The following ALPK2 variants were observed in gnomAD, a reference collection of about 807,000 sequenced individuals.
The protein encoded by ALPK2 is alpha-protein kinase 2.
In ALPK2, 127 loss-of-function variants were observed where a neutral mutation model predicts 163.1. The ratio of observed to expected loss-of-function variants is 0.78; its 90% confidence interval spans 0.67 to 0.90. ALPK2 has a LOEUF of 0.90. ALPK2 is among the 40% of genes least tolerant of loss of function. ALPK2 has a pLI of 0.00. For missense variants in ALPK2, 2,360 were observed against 2,589.6 expected (o/e 0.91, Z 1.92); for synonymous variants, 953 against 959.1 (o/e 0.99, Z 0.12).
intron 3 of ALPK2, among the ~76,000 whole-genome samples, chr18:58,592,162 T>A (rs1025509708): frequency 4.6e-5 from 7 of 152,214 alleles, no homozygotes; most frequent in South Asian, 2.1e-4. Flanking sequence ...CGTTCTCCCA[T>A]GTGTCCTGCT....
intron 5 of ALPK2, among the ~76,000 whole-genome samples, chr18:58,529,935 C>T (rs1021066605): frequency 1.3e-5 from 2 of 152,156 alleles, no homozygotes; most frequent in African/African-American, 2.4e-5. Context: ...AGCCACTGGG[C>T]GGCAGCCTAG....
chr18:58,507,796 G>T (rs929809641), intron 10 of ALPK2, among the ~76,000 whole-genome samples: 5 of 152,134 alleles, frequency 3.3e-5, no homozygotes, highest in African/African-American at 1.2e-4. Flanking sequence ...GTAACTTTGG[G>T]AGGAATTTAG....
intron 12 of ALPK2, among the ~76,000 whole-genome samples, chr18:58,487,037 GC>G: frequency 6.6e-6 from 1 of 152,302 alleles, no homozygotes; most frequent in Non-Finnish European, 1.5e-5. Flanking sequence ...GATCACCATT[GC>G]AGAAACTCGC....
At chr18:58,614,899 C>T (rs180760376) in intron 1 of ALPK2, among the ~76,000 whole-genome samples, 1 of 152,280 alleles carries the variant, frequency 6.6e-6, no homozygotes, top group Admixed American at 6.5e-5. Flanking sequence ...CTCATCTCCC[C>T]ATTTCCACCC....
chr18:58,611,919 G>T (rs2144232779), intron 1 of ALPK2, 102 bp from the exon 2 acceptor site: 6 of 685,530 alleles, frequency 8.8e-6, no homozygotes, highest in African/African-American at 3.6e-5. Flanking sequence ...GCAGCTCACT[G>T]CACGCTGGAG....
At position 58,611,743 on chromosome 18, in the gene ALPK2, G is replaced by A. The variant is rs1201105441; in HGVS notation, c.55C>T (p.Leu19Phe). Residue 19 changes from leucine to phenylalanine, a missense_variant, in exon 2 of 13, where the codon CTT (leucine) becomes TTT (phenylalanine). Transcript: ENST00000361673. ...GACTTCTCAGGAACCTTCTGGGAAAGCAATGTAGATAAAAAACACAGCGGG... is the reference window on the plus strand; with the variant it reads ...GACTTCTCAGGAACCTTCTGGGAAAACAATGTAGATAAAAAACACAGCGGG... ...RPPLCFLSTL[L>F]SQKVPEKSDA... 6 of 1,612,790 alleles carry A rather than the reference G, an allele frequency of 3.7e-6. No homozygotes were observed. The highest frequency in any genetic ancestry group is 3.3e-4 in the Middle Eastern group (2 of 6,054).
At chr18:58,557,698 ATATT>A (rs1162285079) in intron 4 of ALPK2, among the ~76,000 whole-genome samples, 3 of 79,558 alleles carry the variant, frequency 3.8e-5, no homozygotes, top group Non-Finnish European at 7.6e-5. Flanking sequence ...GTATATATAT[ATATT>A]TATATTTTGT....
chr18:58,580,032 G>A lies in ALPK2; in HGVS notation c.744C>T (p.Asn248=), dbSNP rs1568092058. 2 of 1,614,256 alleles carry A rather than the reference G, an allele frequency of 1.2e-6. No individual in the cohort carries two copies. The highest frequency in any genetic ancestry group is 1.7e-6 in the Non-Finnish European group (2 of 1,180,044). Residue 248 remains asparagine, a synonymous_variant, in exon 4 of 13, where the codon AAC becomes AAT. Transcript: ENST00000361673. The part of the protein sequence containing the change: ...MASKFTDGDL[N]NDGPHDEGLR... ...AGCCTTCATCATGAGGACCATCATTGTTCAGGTCACCATCCGTGAACTTTG... is the reference window on the plus strand; with the variant it reads ...AGCCTTCATCATGAGGACCATCATTATTCAGGTCACCATCCGTGAACTTTG...
chr18:58,611,771 C>A lies in ALPK2; in HGVS notation c.27G>T (p.Arg9Ser). 1 of 1,604,636 alleles carries A rather than the reference C, an allele frequency of 6.2e-7. No homozygotes were observed. Among genetic ancestry groups the A allele is most frequent in the Non-Finnish European group, 8.5e-7 (1 of 1,177,436 alleles). Residue 9 changes from arginine to serine, a missense_variant, in exon 2 of 13, where the codon AGG becomes AGT. Coordinates refer to ENST00000361673, the MANE Select transcript of ALPK2 (RefSeq NM_052947.4). ...ATGTAGATAAAAAACACAGCGGGGGCCTCTGGGGCCCTTCGGAGTCTTTCA... is the reference window on the plus strand; with the variant it reads ...ATGTAGATAAAAAACACAGCGGGGGACTCTGGGGCCCTTCGGAGTCTTTCA... The part of the protein sequence containing the change: MKDSEGPQ[R>S]PPLCFLSTLL...
chr18:58,520,696 T>C (rs1230540278), intron 8 of ALPK2, among the ~76,000 whole-genome samples: 1 of 152,230 alleles, frequency 6.6e-6, no homozygotes, highest in Non-Finnish European at 1.5e-5. Flanking sequence ...CTTCATTTGG[T>C]CCATCATTCA....
chr18:58,538,532 T>A lies in ALPK2; in HGVS notation c.1963-308A>T, dbSNP rs369145999. 9.3e-5 allele frequency: 30 copies of A among 321,718 alleles called. No homozygotes were observed. In the South Asian group the frequency reaches 1.6e-3, roughly 17 times the overall value. The allele number at this position is 321,718 out of a possible 1,614,324, so 19.9% of individuals were successfully genotyped here. On this transcript the variant is annotated intron_variant, in intron 4 of 12. Transcript: ENST00000361673. ...AGGAAATAGATGGAAATAAATCGAA[T>A]GTTAACTGTTTTGATCAAGTAAGTC...
rs568182447 is a variant in ALPK2, at chr18:58,615,108, C to T, written c.-20-3291G>A. 2.0e-5 allele frequency among the ~76,000 whole-genome samples: 3 copies of T among 152,216 alleles called. No homozygotes were observed. In the East Asian group the frequency reaches 5.8e-4, roughly 29 times the overall value. Reference sequence around the variant, plus strand: ...GGATTATAGGCAGAAGACACAGAGCCCGGCCTATTCTGGACATTTTATATA... The same window carrying T: ...GGATTATAGGCAGAAGACACAGAGCTCGGCCTATTCTGGACATTTTATATA... On this transcript the variant is annotated intron_variant, in intron 1 of 12. Transcript: ENST00000361673.
chr18:58,521,575 G>A (rs1568073257), intron 8 of ALPK2, among the ~76,000 whole-genome samples: 4 of 148,574 alleles, frequency 2.7e-5, no homozygotes, highest in Admixed American at 2.7e-4. Context: ...ACTATTTTGG[G>A]TTAATATCAC....
chr18:58,516,175 A>G (rs1056574279), intron 9 of ALPK2, among the ~76,000 whole-genome samples: 5 of 151,950 alleles, frequency 3.3e-5, no homozygotes, highest in African/African-American at 1.2e-4. Flanking sequence ...AGCCGTGATC[A>G]TGCCACTGTA....
At chr18:58,525,027 C>T (rs1447390595) in intron 6 of ALPK2, among the ~76,000 whole-genome samples, 1 of 149,632 alleles carries the variant, frequency 6.7e-6, no homozygotes, top group Non-Finnish European at 1.5e-5. Flanking sequence ...TTTAAACATT[C>T]ACCAAGATTC....
At chr18:58,617,713 T>A (rs1344524303) in intron 1 of ALPK2, among the ~76,000 whole-genome samples, 1 of 152,230 alleles carries the variant, frequency 6.6e-6, no homozygotes, top group African/African-American at 2.4e-5. Flanking sequence ...ATGTATGGCA[T>A]GAATGGTATA....
intron 8 of ALPK2, among the ~76,000 whole-genome samples, chr18:58,523,020 G>A (rs1271659728): frequency 2.1e-5 from 3 of 143,638 alleles, no homozygotes; most frequent in South Asian, 2.2e-4. Context: ...CCATTAACTC[G>A]TCATTTAGCA....
intron 1 of ALPK2, among the ~76,000 whole-genome samples, chr18:58,620,106 C>T (rs1182946572): frequency 2.0e-5 from 3 of 152,206 alleles, no homozygotes; most frequent in African/African-American, 7.2e-5. Context: ...GCCAGGCCAA[C>T]ATGGTGAAAC....
chr18:58,488,402 A>G (rs1443933121), intron 12 of ALPK2, among the ~76,000 whole-genome samples: 1 of 147,152 alleles, frequency 6.8e-6, no homozygotes, highest in Admixed American at 7.0e-5. Context: ...AGACTCACAC[A>G]GAAATCACCA....
Sources: allele counts gnomAD v4.1 joint callset (sites outside exome capture counted in the v4.1 genomes callset), GRCh38; gene constraint gnomAD v4.1.1; transcripts MANE v1.5; gene names NCBI Gene and HGNC (gene_info 2026-07-23, HGNC 2026-07-21).